Variants in SUN5 observed in about 807,000 individuals in gnomAD.
SUN5 encodes SUN domain-containing protein 5.
Under a neutral mutation model 53.7 loss-of-function variants are expected in SUN5, and 44 were observed. The ratio of observed to expected loss-of-function variants is 0.82; its 90% confidence interval spans 0.64 to 1.05. SUN5 has a LOEUF of 1.05. Ranked by LOEUF, SUN5 falls within the 50% of genes least tolerant of loss-of-function variation. The pLI is 0.00. For synonymous variants in SUN5, 166 were observed against 179.8 expected (o/e 0.92, Z 0.62); for missense variants, 433 against 483.8 (o/e 0.90, Z 0.98).
chr20:32,998,984 A>G (rs1459567569), intron 5 of SUN5, among the ~76,000 whole-genome samples: 1 of 152,178 alleles, frequency 6.6e-6, no homozygotes, highest in Non-Finnish European at 1.5e-5. Context: ...GCAGTGAGCT[A>G]TGATTGCACC....
At chr20:32,989,359 G>A (rs112310809) in intron 9 of SUN5, among the ~76,000 whole-genome samples, 16 of 152,280 alleles carry the variant, frequency 1.1e-4, no homozygotes, top group African/African-American at 3.9e-4. Context: ...GCACATAGTA[G>A]GGTCTTTATA....
Position 32,985,796 on chromosome 20 carries a change from G to A in SUN5, c.837C>T (p.Ile279=), listed in dbSNP as rs781683097. 2 of 1,614,184 alleles carry A rather than the reference G, an allele frequency of 1.2e-6. No individual in the cohort carries two copies. The highest frequency in any genetic ancestry group is 2.2e-5 in the East Asian group (1 of 44,890). Residue 279 remains isoleucine, a synonymous_variant, in exon 11 of 13, where the codon ATC becomes ATT. Transcript: ENST00000356173. The stretch of plus-strand genomic sequence containing the variant: ...TGCCTGACAATGAGATGGTCTTGGG[G>A]ATGTGCTGCAGCGTGAGGTTGGACA... ...VYLSNLTLQH[I]PKTISLSGSL... is the part of the protein sequence containing the mutation.
rs146501259 is a variant in SUN5 at position 33,004,301 on chromosome 20, G to A, written c.40C>T (p.Leu14=). 2.9e-5 allele frequency: 45 copies of A among 1,578,418 alleles called. No homozygotes were observed. The African/African-American group carries it at 5.3e-4, about 18-fold the overall frequency. ...GGATTGTGGGCCACATCTTCGAGTA[G>A]GGCGCCTGGGTCCCCAGGGCTCCTT... The part of the protein sequence containing the change: ...SSRSPGDPGA[L]LEDVAHNPRP... The change falls in exon 1 of 13, where the codon CTA becomes TTA. Residue 14 remains leucine (L), a synonymous_variant. Coordinates refer to ENST00000356173, the MANE Select transcript of SUN5 (RefSeq NM_080675.4).
Position 33,002,630 on chromosome 20 carries a change from A to C in SUN5, c.168T>G (p.Asn56Lys). The C allele has an allele frequency of 1.2e-6, 2 of 1,614,214 alleles. No homozygotes were observed. The highest frequency in any genetic ancestry group is 1.7e-6 in the Non-Finnish European group (2 of 1,180,036). ...ACTGAGTCAGGCCTAGGGCTTGGTC[A>C]TTGTTGCGGACAGGCAACAGGATGT... is the stretch of plus-strand genomic sequence containing the variant. ...NDNILLPVRN[N>K]DQALGLTQCM... is the part of the protein sequence containing the mutation. The change falls in exon 3 of 13, where the codon AAT (asparagine) becomes AAG (lysine). Residue 56 changes from asparagine (N) to lysine (K), a missense_variant. Physicochemically the swap from Asn to Lys is moderately conservative, Grantham distance 94. Coordinates refer to ENST00000356173, the MANE Select transcript of SUN5 (RefSeq NM_080675.4).
intron 4 of SUN5, 56 bp from the exon 5 acceptor site, chr20:33,000,191 C>G (rs1989964527): frequency 6.5e-7 from 1 of 1,543,378 alleles, no homozygotes; most frequent in African/African-American, 1.4e-5. Flanking sequence ...GCCAAGTGTT[C>G]ACCCTCCTCC....
intron 4 of SUN5, among the ~76,000 whole-genome samples, chr20:33,000,545 C>T (rs1369735998): frequency 6.6e-6 from 1 of 152,200 alleles, no homozygotes; most frequent in African/African-American, 2.4e-5. Context: ...GGCAGGCCCT[C>T]CAGGCAGGAA....
intron 2 of SUN5, 56 bp downstream of exon 2, chr20:33,002,805 T>C (rs1345003902): frequency 6.2e-7 from 1 of 1,610,964 alleles, no homozygotes; most frequent in Non-Finnish European, 8.5e-7. Context: ...TTGACATCCC[T>C]GAGCCTCAGC....
intron 8 of SUN5, among the ~76,000 whole-genome samples, 153 bp from the exon 9 acceptor site, chr20:32,989,851 C>T (rs1408366657): frequency 6.6e-5 from 10 of 152,090 alleles, no homozygotes; most frequent in Admixed American, 6.6e-4. Context: ...TGTGAAAGCC[C>T]AGGTGACACA....
chr20:32,989,758 C>T lies in SUN5; in HGVS notation c.535-60G>A, dbSNP rs1363356343. 71 of 1,443,360 alleles carry T rather than the reference C, an allele frequency of 4.9e-5. No individual in the cohort carries two copies. In the East Asian group the frequency reaches 7.9e-4, roughly 16 times the overall value. The allele number at this position is 1,443,360 out of a possible 1,614,324, so 89.4% of individuals were successfully genotyped here. On this transcript the variant is annotated intron_variant, in intron 8 of 12. Transcript: ENST00000356173. ...GTGTTGTCACGGACTGTGATCCCCA[C>T]GTGTCCACGGGAGGTAACAGGGGGC...
rs199593580 is a variant in SUN5, at chr20:32,985,091, G to A, written c.984+8C>T. 3.6e-4 allele frequency: 584 copies of A among 1,612,602 alleles called. No homozygotes were observed. The highest frequency in any genetic ancestry group is 4.3e-4 in the Non-Finnish European group (508 of 1,178,610). ...AGGTGCTCAGCACAGGCAGCTCTTC[G>A]CAGGTACCTGGAGTGGGAACATCTG... On this transcript the variant is annotated splice_region_variant and intron_variant, in intron 12 of 12. Coordinates refer to ENST00000356173, the MANE Select transcript of SUN5 (RefSeq NM_080675.4).
At chr20:32,984,079 T>A in intron 12 of SUN5, 130 bp from the exon 13 acceptor site, 1 of 1,189,112 alleles carries the variant, frequency 8.4e-7, no homozygotes, top group South Asian at 2.0e-5. Context: ...GAGGATGGAC[T>A]GTCCCAAGGC....
chr20:32,985,289 CACTACCTCTTT>C (rs1989506243), intron 11 of SUN5, 104 bp from the exon 12 acceptor site: 2 of 1,018,192 alleles, frequency 2.0e-6, no homozygotes, highest in Non-Finnish European at 3.0e-6. Flanking sequence ...GATGGGAGCT[CACTACCTCTTT>C]GGGCACCGTT....
chr20:32,986,912 C>T (rs867130524), intron 10 of SUN5, among the ~76,000 whole-genome samples: 9 of 152,216 alleles, frequency 5.9e-5, no homozygotes, highest in Non-Finnish European at 1.3e-4. Flanking sequence ...TCCTCGGCTG[C>T]GGCCACCAGG....
At position 32,995,907 on chromosome 20, in the gene SUN5, T is replaced by C. The variant is rs185913332; in HGVS notation, c.426-180A>G. The stretch of plus-strand genomic sequence containing the variant: ...CTCTAAAACATTACTCATTCTCTTC[T>C]TTCTGCTTGGAATATCTTTATACCC... On this transcript the variant is annotated intron_variant, in intron 7 of 12. Transcript: ENST00000356173. Among the ~76,000 whole-genome samples the C allele has an allele frequency of 2.8e-4, 42 of 152,292 alleles. No homozygotes were observed. The East Asian group carries it at 7.9e-3, about 29-fold the overall frequency.
Position 32,989,657 on chromosome 20 carries a change from A to G in SUN5, c.576T>C (p.Asp192=), listed in dbSNP as rs2146326991. The G allele has an allele frequency of 1.2e-6, 2 of 1,613,864 alleles. No individual in the cohort carries two copies. The highest frequency in any genetic ancestry group is 4.5e-5 in the East Asian group (2 of 44,850). Residue 192 remains aspartate, a synonymous_variant, in exon 9 of 13, where the codon GAT becomes GAC. Coordinates refer to ENST00000356173, the MANE Select transcript of SUN5 (RefSeq NM_080675.4). ...GGGCAAAGTCTGGCTTTTCGATGTA[A>G]TCTCCGTGTATCATCTTCATTATTT... ...AQKIMKMIHG[D]YIEKPDFALK...
Position 32,987,667 on chromosome 20 carries a change from A to T in SUN5, c.722T>A (p.Ile241Asn). The T allele has an allele frequency of 6.2e-7, 1 of 1,607,556 alleles. No homozygotes were observed. Among genetic ancestry groups the T allele is most frequent in the East Asian group, 2.2e-5 (1 of 44,706 alleles). Residue 241 changes from isoleucine (I) to asparagine (N), a missense_variant, in exon 10 of 13, where the codon ATC becomes AAC. Transcript: ENST00000356173. ...TCCCGCCATCCCCCCTGCCTCAAGG[A>T]TCACGTCTGGGGGCTGTGCGTAGTT... The part of the protein sequence containing the change: ...LWNYAQPPDV[I>N]LEPNVTPGNC...
chr20:32,995,866 T>C, intron 7 of SUN5, 139 bp from the exon 8 acceptor site: 3 of 709,020 alleles, frequency 4.2e-6, no homozygotes, highest in South Asian at 1.7e-5. Flanking sequence ...CCTGGACCCA[T>C]TCATCAGGTT....
intron 6 of SUN5, among the ~76,000 whole-genome samples, chr20:32,996,809 A>C (rs554000730): frequency 6.6e-6 from 1 of 152,020 alleles, no homozygotes; most frequent in South Asian, 2.1e-4. Context: ...CTAGCCTCCT[A>C]TCTCTTTCCC....
At position 32,985,630 on chromosome 20, in the gene SUN5, C is replaced by T. The variant is rs1196325343; in HGVS notation, c.897+106G>A. ...CTTAACCAAGCTGCATTCAGCCCCT[C>T]CAGCCTGCAAGTGTTGTGCAGACAC... is the stretch of plus-strand genomic sequence containing the variant. On this transcript the variant is annotated intron_variant, in intron 11 of 12. Coordinates refer to ENST00000356173, the MANE Select transcript of SUN5 (RefSeq NM_080675.4). 11 of 1,406,580 alleles carry T rather than the reference C, an allele frequency of 7.8e-6. No homozygotes were observed. In the Admixed American group the frequency reaches 2.2e-4, roughly 28 times the overall value. 87.1% of individuals were successfully genotyped at this position (1,406,580 alleles called of 1,614,324 possible).
Sources: allele counts gnomAD v4.1 joint callset (sites outside exome capture counted in the v4.1 genomes callset), GRCh38; gene constraint gnomAD v4.1.1; transcripts MANE v1.5; gene names NCBI Gene and HGNC (gene_info 2026-07-23, HGNC 2026-07-21).